The following SLC28A3 variants were observed in gnomAD, a reference collection of about 807,000 sequenced individuals.
SLC28A3 encodes the protein solute carrier family 28 member 3.
In SLC28A3, 68 loss-of-function variants were observed where a neutral mutation model predicts 84.2. The observed-to-expected ratio is 0.81, with a 90% CI of 0.66 to 0.99. SLC28A3 has a LOEUF of 0.99. SLC28A3 is among the 50% of genes least tolerant of loss of function. The pLI, the probability that SLC28A3 is intolerant of heterozygous loss-of-function variation, is 0.00. For synonymous variants in SLC28A3, 267 were observed against 303.6 expected (o/e 0.88, Z 1.25); for missense variants, 712 against 841.5 (o/e 0.85, Z 1.90).
intron 3 of SLC28A3, 69 bp from the exon 4 acceptor site, chr9:84,305,414 G>T (rs1825760883): frequency 8.0e-7 from 1 of 1,257,686 alleles, no homozygotes; most frequent in Non-Finnish European, 1.1e-6. Flanking sequence ...GCATGGTGAG[G>T]CTAGATTAAG....
chr9:84,338,443 A>G (rs1827054539), intron 1 of SLC28A3, among the ~76,000 whole-genome samples: 1 of 152,222 alleles, frequency 6.6e-6, no homozygotes, highest in Admixed American at 6.5e-5. Flanking sequence ...TGTCTTCACT[A>G]TTTTGATTTT....
intron 3 of SLC28A3, among the ~76,000 whole-genome samples, chr9:84,307,437 A>AAAAAAAAAAC (rs1554726619): frequency 0.057 from 6,361 of 110,904 alleles, 430 homozygotes; most frequent in East Asian, 0.3. Context: ...TCTCAAAAAA[A>AAAAAAAAAAC]AAAAAAAACA....
At chr9:84,290,061 G>A (rs1825150029) in intron 11 of SLC28A3, 93 bp downstream of exon 11, 6 of 1,518,774 alleles carry the variant, frequency 4.0e-6, no homozygotes, top group Non-Finnish European at 3.6e-6. Context: ...CACTCTCTTG[G>A]CCTCCTTTTT....
intron 1 of SLC28A3, among the ~76,000 whole-genome samples, chr9:84,322,469 G>C (rs1826411543): frequency 6.6e-6 from 1 of 152,140 alleles, no homozygotes; most frequent in Non-Finnish European, 1.5e-5. Flanking sequence ...ACTTTTTGGT[G>C]ATTTCTAAAA....
chr9:84,323,858 C>G (rs1386263054), intron 1 of SLC28A3, among the ~76,000 whole-genome samples: 1 of 152,092 alleles, frequency 6.6e-6, no homozygotes, highest in Non-Finnish European at 1.5e-5. Context: ...CACTTTCCTC[C>G]CTCTCCCATG....
At chr9:84,294,328 G>A (rs1380644854) in intron 8 of SLC28A3, 53 bp from the exon 9 acceptor site, 1 of 1,568,146 alleles carries the variant, frequency 6.4e-7, no homozygotes, top group Non-Finnish European at 8.8e-7. Context: ...TGCACCAGCA[G>A]GTTTTATATC....
Position 84,294,282 on chromosome 9 carries a change from G to C in SLC28A3, c.862-7C>G, listed in dbSNP as rs1248931473. 1 of 1,613,912 alleles carries C rather than the reference G, an allele frequency of 6.2e-7. No individual in the cohort carries two copies. Among genetic ancestry groups the C allele is most frequent in the Admixed American group, 1.7e-5 (1 of 60,008 alleles). ...AAACCACGATCGGCAGGACCTGTGG[G>C]GACAGAAACAAACATGGATTAATGA... On this transcript the variant is annotated splice_polypyrimidine_tract_variant and splice_region_variant and intron_variant, in intron 8 of 17. Coordinates refer to ENST00000376238, the MANE Select transcript of SLC28A3 (RefSeq NM_001199633.2).
intron 1 of SLC28A3, among the ~76,000 whole-genome samples, chr9:84,327,925 C>CAAAA (rs60624658): frequency 0.05 from 5,405 of 107,146 alleles, 162 homozygotes; most frequent in Non-Finnish European, 0.064. Flanking sequence ...GACTCCATTT[C>CAAAA]AAAAAAAAAA....
In SLC28A3 at chr9:84,328,467, AG is replaced by A. The variant is rs1463793552; in HGVS notation, c.60+12106del. On this transcript the variant is annotated intron_variant, in intron 1 of 17. Coordinates refer to ENST00000376238, the MANE Select transcript of SLC28A3 (RefSeq NM_001199633.2). ...GTGAAACCCTATCTCTATAAGAAATAGAAAAGTTAGGCAGGGTGTGGTGGCT... is the reference window on the plus strand; with the variant it reads ...GTGAAACCCTATCTCTATAAGAAATAAAAAGTTAGGCAGGGTGTGGTGGCT... 2.0e-5 allele frequency among the ~76,000 whole-genome samples: 3 copies of A among 152,052 alleles called. No homozygotes were observed. In the East Asian group the frequency reaches 5.8e-4, roughly 29 times the overall value.
the SLC28A3 span, among the ~76,000 whole-genome samples, chr9:84,355,739 GC>G: frequency 6.6e-6 from 1 of 152,048 alleles, no homozygotes; most frequent in African/African-American, 2.4e-5. Context: ...TTGGAATGGG[GC>G]TGGGTACTTA....
chr9:84,330,503 T>A (rs1164987978), intron 1 of SLC28A3, among the ~76,000 whole-genome samples: 1 of 152,178 alleles, frequency 6.6e-6, no homozygotes, highest in Non-Finnish European at 1.5e-5. Flanking sequence ...ACTGAGTGCT[T>A]GAAATGTGAC....
intron 1 of SLC28A3, among the ~76,000 whole-genome samples, chr9:84,316,861 C>A (rs55671155): frequency 0.12 from 18,401 of 152,034 alleles, 1,259 homozygotes; most frequent in Admixed American, 0.19. Flanking sequence ...GTTAGCTGGG[C>A]GTGGTGGCGG....
intron 1 of SLC28A3, among the ~76,000 whole-genome samples, chr9:84,335,677 A>G (rs958691076): frequency 7.2e-5 from 11 of 151,744 alleles, no homozygotes; most frequent in Non-Finnish European, 1.6e-4. Context: ...TGTTCATACT[A>G]TGTGCCAGGC....
chr9:84,343,818 A>C (rs1302918542), upstream of SLC28A3, among the ~76,000 whole-genome samples: 1 of 152,182 alleles, frequency 6.6e-6, no homozygotes, highest in East Asian at 1.9e-4. Context: ...AATATCCACT[A>C]CCTGGCTGAT....
At chr9:84,338,275 T>C (rs1195094267) in intron 1 of SLC28A3, among the ~76,000 whole-genome samples, 1 of 152,234 alleles carries the variant, frequency 6.6e-6, no homozygotes, top group African/African-American at 2.4e-5. Flanking sequence ...TGTTAATGCA[T>C]ATTTAATAAT....
intron 12 of SLC28A3, among the ~76,000 whole-genome samples, chr9:84,286,641 T>C (rs1407014989): frequency 6.6e-6 from 1 of 151,522 alleles, no homozygotes; most frequent in Non-Finnish European, 1.5e-5. Flanking sequence ...AAAAATTATT[T>C]TTATTACAAG....
rs760000868 is a variant in SLC28A3, at chr9:84,290,232, C to T, written c.1071G>A (p.Lys357=). 6.2e-7 allele frequency: 1 copy of T among 1,614,072 alleles called. No individual in the cohort carries two copies. Among genetic ancestry groups the T allele is most frequent in the Non-Finnish European group, 8.5e-7 (1 of 1,179,974 alleles). Residue 357 remains lysine (K), a synonymous_variant, in exon 11 of 18, where the codon AAG becomes AAA. Transcript: ENST00000376238. Reference sequence around the variant, plus strand: ...CGGTCATGATGGCGTGGAGTTCAGACTTGGTGATGTAAGGTAAATATGGTC... The same window carrying T: ...CGGTCATGATGGCGTGGAGTTCAGATTTGGTGATGTAAGGTAAATATGGTC... ...LVRPYLPYIT[K]SELHAIMTAG... is the part of the protein sequence containing the mutation.
upstream of SLC28A3, among the ~76,000 whole-genome samples, chr9:84,345,494 A>AT (rs745884928): frequency 2.5e-4 from 38 of 152,234 alleles, no homozygotes; most frequent in Admixed American, 5.2e-4. Context: ...AATGCCTGAC[A>AT]TTCTTGCAGA....
intron 12 of SLC28A3, 29 bp from the exon 13 acceptor site, chr9:84,286,140 T>C: frequency 3.1e-6 from 5 of 1,607,118 alleles, no homozygotes; most frequent in Non-Finnish European, 4.3e-6. Flanking sequence ...ATTCCAGAAT[T>C]ACCAAGGAGT....
Sources: gnomAD v4.1 joint callset for allele counts (sites outside exome capture counted in the v4.1 genomes callset) on GRCh38, gnomAD v4.1.1 for gene constraint, MANE v1.5 for transcripts, NCBI Gene and HGNC (gene_info 2026-07-23, HGNC 2026-07-21) for gene names.